Variants in KANSL1 observed in about 807,000 individuals in gnomAD.
KANSL1 encodes MLL1/MLL complex subunit KANSL1.
KANSL1 carries 22 observed loss-of-function variants against 103.6 expected under a neutral mutation model. That is an observed-to-expected ratio of 0.21 (90% CI 0.15 to 0.30). The LOEUF (loss-of-function observed/expected upper bound fraction) is 0.30. KANSL1 is among the 10% of genes least tolerant of loss of function. The pLI is 1.00. For synonymous variants in KANSL1, 600 were observed against 527.6 expected (o/e 1.14, Z -1.88); for missense variants, 1,337 against 1,399.8 (o/e 0.96, Z 0.72).
Position 46,072,602 on chromosome 17 carries a change from A to C in KANSL1, c.1534-4935T>G, listed in dbSNP as rs186801585. Among the ~76,000 whole-genome samples, 213 of 152,288 alleles carry C rather than the reference A, an allele frequency of 1.4e-3. 1 individual carries two copies. Among genetic ancestry groups the C allele is most frequent in the African/African-American group, 5.0e-3 (209 of 41,570 alleles). On this transcript the variant is annotated intron_variant, in intron 4 of 14. Transcript: ENST00000432791. The stretch of plus-strand genomic sequence containing the variant: ...ATTCACCAAAATATTGCTGGCCTAT[A>C]AATAGTATACTAGCCATTTCCATTA...
chr17:46,120,356 T>C (rs184511539), intron 2 of KANSL1, among the ~76,000 whole-genome samples: 6 of 152,324 alleles, frequency 3.9e-5, no homozygotes, highest in Admixed American at 3.9e-4. Context: ...ATGAAATAAC[T>C]TCAAGCTGTT....
intron 4 of KANSL1, among the ~76,000 whole-genome samples, chr17:46,073,465 A>T (rs1158233574): frequency 2.0e-5 from 3 of 152,196 alleles, no homozygotes; most frequent in African/African-American, 4.8e-5. Flanking sequence ...AGGAGATTTT[A>T]AAAAATATAT....
intron 2 of KANSL1, 135 bp from the exon 3 acceptor site, chr17:46,094,836 AGAC>A (rs1349795249): frequency 9.9e-7 from 1 of 1,005,980 alleles, no homozygotes; most frequent in Non-Finnish European, 1.5e-6. Context: ...CCCAAGAGAG[AGAC>A]AAGACACCTC....
intron 1 of KANSL1, among the ~76,000 whole-genome samples, chr17:46,208,110 A>C (rs2048033814): frequency 9.3e-6 from 1 of 107,596 alleles, no homozygotes; most frequent in Admixed American, 9.9e-5. Flanking sequence ...AATCCGTCTC[A>C]AAAAAAAAAA....
rs946251651 is a variant in KANSL1 at position 46,171,885 on chromosome 17, C to T, written c.259G>A (p.Val87Ile). ...GACTCCTTTGAGGGAACAGATGTTA[C>T]ATCAGAGCAGAGATAAGATGCCACC... ...PLVASYLCSD[V>I]TSVPSKESLK... Residue 87 changes from valine to isoleucine, a missense_variant, in exon 2 of 15, where the codon GTA becomes ATA. Transcript: ENST00000432791. The T allele has an allele frequency of 6.2e-7, 1 of 1,614,272 alleles. No homozygotes were observed. Among genetic ancestry groups the T allele is most frequent in the Non-Finnish European group, 8.5e-7 (1 of 1,180,050 alleles).
chr17:46,171,193 T>C lies in KANSL1; in HGVS notation c.951A>G (p.Ile317Met), dbSNP rs776437091. The C allele has an allele frequency of 6.2e-6, 10 of 1,614,048 alleles. No individual in the cohort carries two copies. Among genetic ancestry groups the C allele is most frequent in the African/African-American group, 1.3e-5 (1 of 74,908 alleles). The change falls in exon 2 of 15, where the codon ATA (isoleucine) becomes ATG (methionine). Residue 317 changes from isoleucine to methionine, a missense_variant. Physicochemically the swap from Ile to Met is conservative, Grantham distance 10 (BLOSUM62 1). Transcript: ENST00000432791. ...CCAAAAATCCACCCAGCTGATGTTG[T>C]ATATGCCTCTCAACCTGCTTGGCTT... ...VVQAKQVERHIQHQLGGFLEK... is the reference protein window; with the variant it reads ...VVQAKQVERHMQHQLGGFLEK...
intron 2 of KANSL1, among the ~76,000 whole-genome samples, chr17:46,134,497 G>C (rs972575420): frequency 6.6e-6 from 1 of 152,174 alleles, no homozygotes; most frequent in Admixed American, 6.5e-5. Flanking sequence ...AGGAGATAGA[G>C]CTGACCTGAA....
intron 6 of KANSL1, among the ~76,000 whole-genome samples, chr17:46,059,628 C>CA (rs146430605): frequency 0.018 from 1,341 of 74,356 alleles, 109 homozygotes; most frequent in African/African-American, 0.073. Context: ...GCTCTGACTC[C>CA]AAAAAAAAAA....
At chr17:46,035,180 T>G (rs535062731) in intron 10 of KANSL1, 1 of 152,426 alleles carries the variant, frequency 6.6e-6, no homozygotes, top group South Asian at 2.1e-4. Context: ...GACTAGCAAC[T>G]GAGCTGTGAG....
chr17:46,154,136 G>A (rs1266083681), intron 2 of KANSL1, among the ~76,000 whole-genome samples: 1 of 152,182 alleles, frequency 6.6e-6, no homozygotes. Flanking sequence ...CAAAAGTAAG[G>A]GGAAAAAGAC....
chr17:46,069,449 A>G (rs114850891), intron 4 of KANSL1, among the ~76,000 whole-genome samples: 1,580 of 152,312 alleles, frequency 0.01, 25 homozygotes, highest in African/African-American at 0.034. Context: ...CAAGCATCAA[A>G]AAGAACAGAC....
chr17:46,116,889 T>G (rs1041926029), intron 2 of KANSL1, among the ~76,000 whole-genome samples: 1 of 152,098 alleles, frequency 6.6e-6, no homozygotes, highest in African/African-American at 2.4e-5. Context: ...TCCAAAAGAG[T>G]GTTTGAAAAT....
chr17:46,193,786 G>A (rs2732658), upstream of KANSL1: 25,361 of 167,716 alleles, frequency 0.15, 2,648 homozygotes, highest in Middle Eastern at 0.27. Flanking sequence ...CTCCGTGCTG[G>A]GGCCGGCGGT....
chr17:46,048,644 GATC>G (rs1568385575), intron 7 of KANSL1, among the ~76,000 whole-genome samples: 2 of 152,190 alleles, frequency 1.3e-5, no homozygotes. Flanking sequence ...GCTGGGCACA[GATC>G]ATGAGATTAC....
chr17:46,064,748 A>T (rs1038619259), intron 6 of KANSL1, among the ~76,000 whole-genome samples: 9 of 152,124 alleles, frequency 5.9e-5, no homozygotes, highest in Non-Finnish European at 1.3e-4. Flanking sequence ...TTTCACAGGA[A>T]TGAGGAGGAA....
intron 1 of KANSL1, among the ~76,000 whole-genome samples, chr17:46,220,220 T>C (rs572294267): frequency 7.5e-5 from 5 of 66,478 alleles, no homozygotes; most frequent in Admixed American, 2.5e-4. Flanking sequence ...TTCTTTAAAA[T>C]TTTTTTTTTT....
At chr17:46,188,266 T>C (rs1031255001) in intron 1 of KANSL1, among the ~76,000 whole-genome samples, 3 of 152,264 alleles carry the variant, frequency 2.0e-5, no homozygotes, top group Non-Finnish European at 2.9e-5. Flanking sequence ...TACTGTCTTC[T>C]ACAGCCATAG....
At chr17:46,123,499 T>C (rs1393240249) in intron 2 of KANSL1, among the ~76,000 whole-genome samples, 3 of 152,214 alleles carry the variant, frequency 2.0e-5, no homozygotes, top group Non-Finnish European at 2.9e-5. Context: ...AACTTGTAAA[T>C]GCAAAAGTTC....
intron 1 of KANSL1, among the ~76,000 whole-genome samples, chr17:46,205,153 T>TAA (rs55788646): frequency 2.0e-5 from 3 of 151,734 alleles, no homozygotes; most frequent in Non-Finnish European, 2.9e-5. Context: ...CACTCAGGCT[T>TAA]AAAAAAAAGA....
Sources: allele counts gnomAD v4.1 joint callset (sites outside exome capture counted in the v4.1 genomes callset), GRCh38; gene constraint gnomAD v4.1.1; transcripts MANE v1.5; gene names NCBI Gene and HGNC (gene_info 2026-07-23, HGNC 2026-07-21).